The following PLCL2 variants were observed in gnomAD, a reference collection of about 807,000 sequenced individuals.
PLCL2 encodes the protein phospholipase C like 2, also known as inactive phospholipase C-like protein 2.
In PLCL2, 4 loss-of-function variants were observed where a neutral mutation model predicts 79.6. The ratio of observed to expected loss-of-function variants is 0.05; its 90% CI spans 0.02 to 0.11. The LOEUF is 0.11. Ranked by LOEUF, PLCL2 falls within the 10% of genes least tolerant of loss-of-function variation. PLCL2 has a pLI of 1.00. For missense variants in PLCL2, 895 were observed against 1,291.0 expected (o/e 0.69, Z 4.70); for synonymous variants, 484 against 457.7 (o/e 1.06, Z -0.73).
chr3:17,009,996 C>T lies in PLCL2; in HGVS notation c.650C>T (p.Ala217Val). ...GISDQISEDC[A>V]FSVIYGENYE... The stretch of plus-strand genomic sequence containing the variant: ...TCTGACCAGATATCTGAAGATTGTG[C>T]GTTTTCCGTCATATATGGAGAGAAT... The change falls in exon 2 of 6, where the codon GCG becomes GTG. Residue 217 changes from alanine (A) to valine (V), a missense_variant. Physicochemically the swap from Ala to Val is moderately conservative, Grantham distance 64. Around this residue, in one of 6 missense-constraint regions of PLCL2, gnomAD observed 129 missense variants for 208.8 expected, o/e 0.62. Transcript: ENST00000615277. This position sits in a 1 kb window ranked among gnomAD's most constrained non-coding sequence, Gnocchi z 4.0. The T allele has an allele frequency of 6.2e-7, 1 of 1,613,996 alleles. No homozygotes were observed. The highest frequency in any genetic ancestry group is 8.5e-7 in the Non-Finnish European group (1 of 1,179,916).
intron 5 of PLCL2, among the ~76,000 whole-genome samples, chr3:17,084,103 A>G (rs890747193): frequency 1.3e-5 from 2 of 152,208 alleles, no homozygotes; most frequent in African/African-American, 4.8e-5. Flanking sequence ...GAAATAAAGG[A>G]TATCACCACA....
intron 1 of PLCL2, among the ~76,000 whole-genome samples, chr3:16,899,329 C>T (rs1236299074): frequency 6.6e-6 from 1 of 152,218 alleles, no homozygotes; most frequent in African/African-American, 2.4e-5. Context: ...GTTAGTCCAG[C>T]CTTAGGCTTT....
At chr3:17,031,981 C>T (rs2064588457) in intron 3 of PLCL2, among the ~76,000 whole-genome samples, 1 of 141,884 alleles carries the variant, frequency 7.0e-6, no homozygotes, top group Non-Finnish European at 1.5e-5. Context: ...TTGTTCAGGA[C>T]CAGAAACTAC....
intron 1 of PLCL2, among the ~76,000 whole-genome samples, chr3:16,964,208 C>A (rs1407027748): frequency 6.9e-6 from 1 of 144,598 alleles, no homozygotes; most frequent in Non-Finnish European, 1.5e-5. Context: ...GTGTCATGTT[C>A]CCCTTCCTGT....
At chr3:16,984,746 C>T (rs2064031766) in intron 1 of PLCL2, among the ~76,000 whole-genome samples, 2 of 152,084 alleles carry the variant, frequency 1.3e-5, no homozygotes, top group South Asian at 4.1e-4. Context: ...TCCTGGCTAA[C>T]ATGGTGAAAC....
chr3:17,064,081 T>C lies in PLCL2; in HGVS notation c.3095-3875T>C, dbSNP rs184985267. Among the ~76,000 whole-genome samples the C allele has an allele frequency of 2.0e-3, 310 of 152,336 alleles. 1 individual carries two copies. Among genetic ancestry groups the C allele is most frequent in the African/African-American group, 5.8e-3 (240 of 41,560 alleles). Reference sequence around the variant, plus strand: ...GACTTTTTCGTTGGGCTAATGTTTCTTTGCTGAAAATAATTTGAAAAATGA... The same window carrying C: ...GACTTTTTCGTTGGGCTAATGTTTCCTTGCTGAAAATAATTTGAAAAATGA... On this transcript the variant is annotated intron_variant, in intron 4 of 5. Transcript: ENST00000615277.
chr3:17,077,414 C>T (rs2065118859), intron 5 of PLCL2, among the ~76,000 whole-genome samples: 2 of 152,182 alleles, frequency 1.3e-5, no homozygotes, highest in Non-Finnish European at 2.9e-5. Context: ...GCCAACATGA[C>T]TTCTGTGAGT....
At chr3:17,063,861 G>A (rs1453026981) in intron 4 of PLCL2, among the ~76,000 whole-genome samples, 1 of 152,182 alleles carries the variant, frequency 6.6e-6, no homozygotes, top group African/African-American at 2.4e-5. Context: ...TAATTAAAGT[G>A]CAAGGAGTTT....
intron 1 of PLCL2, among the ~76,000 whole-genome samples, chr3:16,920,888 G>C (rs1697111331): frequency 6.6e-6 from 1 of 152,090 alleles, no homozygotes; most frequent in South Asian, 2.1e-4. Flanking sequence ...CACATTTATA[G>C]CTTTCCTTTA....
intron 5 of PLCL2, among the ~76,000 whole-genome samples, chr3:17,082,713 A>C (rs991652834): frequency 1.3e-5 from 2 of 152,170 alleles, no homozygotes; most frequent in African/African-American, 4.8e-5. Flanking sequence ...CCATCTGGGG[A>C]TTTTTGTTTT....
chr3:16,973,197 A>G (rs1224375444), intron 1 of PLCL2, among the ~76,000 whole-genome samples: 1 of 152,060 alleles, frequency 6.6e-6, no homozygotes, highest in Non-Finnish European at 1.5e-5. Context: ...TTTCCTTAAC[A>G]TTTGTCTGTC....
intron 4 of PLCL2, among the ~76,000 whole-genome samples, chr3:17,056,928 G>A (rs946410857): frequency 1.3e-5 from 2 of 152,128 alleles, no homozygotes; most frequent in African/African-American, 4.8e-5. Context: ...AGAAGGAACA[G>A]GGCATTTTAG....
rs1453794156 is a variant in PLCL2 at position 16,887,213 on chromosome 3, GA to G, written c.327+1849del. 6.6e-6 allele frequency among the ~76,000 whole-genome samples: 1 copy of G among 152,126 alleles called. No individual in the cohort carries two copies. Among genetic ancestry groups the G allele is most frequent in the African/African-American group, 2.4e-5 (1 of 41,432 alleles). Reference sequence around the variant, plus strand: ...TAGAAATGATATTGATACTTATGTTGAATTCTGAAACTTTTAAGGATATTTT... The same window carrying G: ...TAGAAATGATATTGATACTTATGTTGATTCTGAAACTTTTAAGGATATTTT... On this transcript the variant is annotated intron_variant, in intron 1 of 5. Transcript: ENST00000615277. The surrounding 1 kb of genome is among the most constrained non-coding windows in gnomAD (Gnocchi z 4.1).
In PLCL2 at chr3:17,002,961, T is replaced by G. The variant is rs142420239; in HGVS notation, c.328-6713T>G. On this transcript the variant is annotated intron_variant, in intron 1 of 5. Coordinates refer to ENST00000615277, the MANE Select transcript of PLCL2 (RefSeq NM_001144382.2). ...ATTTCCTTTGGACCATATTTTATAA[T>G]TCCCATCTTTCTGTGGAAATATACC... 1.2e-4 allele frequency among the ~76,000 whole-genome samples: 19 copies of G among 152,244 alleles called. 1 individual carries two copies. In the East Asian group the frequency reaches 3.5e-3, roughly 28 times the overall value.
intron 1 of PLCL2, among the ~76,000 whole-genome samples, chr3:16,899,780 G>A (rs1696576431): frequency 6.6e-6 from 1 of 151,918 alleles, no homozygotes; most frequent in African/African-American, 2.4e-5. Context: ...ATGTGAGAAA[G>A]ATCTGTGCTG....
chr3:16,906,156 C>T (rs762310506), intron 1 of PLCL2, among the ~76,000 whole-genome samples: 1 of 151,858 alleles, frequency 6.6e-6, no homozygotes, highest in Non-Finnish European at 1.5e-5. Context: ...GCTAAAGGTC[C>T]TTTTTTCCCT....
At chr3:16,977,892 A>C (rs1328102003) in intron 1 of PLCL2, among the ~76,000 whole-genome samples, 1 of 152,220 alleles carries the variant, frequency 6.6e-6, no homozygotes, top group Non-Finnish European at 1.5e-5. Flanking sequence ...CATAGATGGC[A>C]CCTAATCTTG....
intron 1 of PLCL2, among the ~76,000 whole-genome samples, chr3:17,006,994 G>A (rs1221000723): frequency 6.6e-6 from 1 of 152,148 alleles, no homozygotes; most frequent in Non-Finnish European, 1.5e-5. Flanking sequence ...TTACAATGTT[G>A]GGAAAATACT....
At chr3:16,899,306 CAT>C (rs1241273169) in intron 1 of PLCL2, among the ~76,000 whole-genome samples, 1 of 152,206 alleles carries the variant, frequency 6.6e-6, no homozygotes, top group African/African-American at 2.4e-5. Flanking sequence ...TGCTTTTCTA[CAT>C]AGAGAGGACT....
Sources: gnomAD v4.1 joint callset for allele counts (sites outside exome capture counted in the v4.1 genomes callset) on GRCh38, gnomAD v4.1.1 for gene constraint, gnomAD v4.1.1 regional missense constraint, Gnocchi (gnomAD v3.1) non-coding constraint, MANE v1.5 for transcripts, NCBI Gene and HGNC (gene_info 2026-07-23, HGNC 2026-07-21) for gene names.